Variants in DAB2IP observed in about 807,000 individuals in gnomAD.
DAB2IP encodes the protein DAB2 interacting protein.
In DAB2IP, 28 loss-of-function variants were observed where a neutral mutation model predicts 107.2. The observed-to-expected ratio is 0.26, with a 90% CI of 0.19 to 0.36. The LOEUF is 0.36. Ranked by LOEUF, DAB2IP falls within the 10% of genes least tolerant of loss-of-function variation. DAB2IP has a pLI of 1.00. For synonymous variants in DAB2IP, 755 were observed against 706.4 expected (o/e 1.07, Z -1.09); for missense variants, 1,400 against 1,644.7 (o/e 0.85, Z 2.57).
intron 3 of DAB2IP, among the ~76,000 whole-genome samples, chr9:121,714,722 A>G (rs1041463602): frequency 3.5e-4 from 54 of 152,320 alleles, no homozygotes; most frequent in African/African-American, 1.2e-3. Flanking sequence ...CTGAAGTGCA[A>G]TTGTCCTACA....
chr9:121,592,595 C>T (rs879251823), intron 1 of DAB2IP, among the ~76,000 whole-genome samples: 1 of 152,202 alleles, frequency 6.6e-6, no homozygotes, highest in Admixed American at 6.5e-5. Flanking sequence ...CCATATAGCC[C>T]TGTCAACTTT....
chr9:121,784,466 C>T (rs563239696), exon 16 of DAB2IP: 5 of 153,302 alleles, frequency 3.3e-5, no homozygotes, highest in East Asian at 3.9e-4. Context: ...GGAGGCTACC[C>T]GCTGTGGCCG....
At chr9:121,769,145 T>A (rs1834512026) in intron 10 of DAB2IP, among the ~76,000 whole-genome samples, 2 of 152,172 alleles carry the variant, frequency 1.3e-5, no homozygotes, top group African/African-American at 2.4e-5. Context: ...GCCCACACAG[T>A]GAGCAACTAG....
chr9:121,621,817 T>TTC (rs1831476988), intron 1 of DAB2IP, among the ~76,000 whole-genome samples: 1 of 149,418 alleles, frequency 6.7e-6, no homozygotes, highest in Admixed American at 6.7e-5. Context: ...TGGCTAATTT[T>TTC]TTTTTTTTCG....
At chr9:121,759,899 T>G in exon 6 of DAB2IP, 1 of 1,613,316 alleles carries the variant, frequency 6.2e-7, no homozygotes, top group South Asian at 1.1e-5. Flanking sequence ...ACAGCCGGCG[T>G]GTGGAGCACA....
At chr9:121,644,426 G>A (rs185005724) in intron 1 of DAB2IP, among the ~76,000 whole-genome samples, 40 of 151,698 alleles carry the variant, frequency 2.6e-4, no homozygotes, top group Admixed American at 2.0e-3. Context: ...GCGAAACCCC[G>A]TCTCTACTAA....
chr9:121,646,329 G>T (rs1393739544), intron 1 of DAB2IP, among the ~76,000 whole-genome samples: 2 of 152,106 alleles, frequency 1.3e-5, no homozygotes, highest in Non-Finnish European at 2.9e-5. Context: ...TCCCTGAATG[G>T]GGTGACCTGG....
chr9:121,624,312 G>A (rs966664170), intron 1 of DAB2IP, among the ~76,000 whole-genome samples: 6 of 152,236 alleles, frequency 3.9e-5, no homozygotes, highest in Admixed American at 6.5e-5. Context: ...ACAGAGGTTC[G>A]TGGCAAGGAG....
chr9:121,570,433 C>G lies in DAB2IP; in HGVS notation c.40+3205C>G, dbSNP rs193116725. Among the ~76,000 whole-genome samples the G allele has an allele frequency of 1.1e-4, 17 of 152,120 alleles. No individual in the cohort carries two copies. The East Asian group carries it at 3.1e-3, about 28-fold the overall frequency. ...GACACTAATCCTACTAGGGCCCCAT[C>G]CTTATGACCTCATTTAACCTTAATT... On this transcript the variant is annotated intron_variant, in intron 1 of 16. Transcript: ENST00000259371.
chr9:121,727,813 T>G (rs1199085013), intron 3 of DAB2IP, among the ~76,000 whole-genome samples: 1 of 152,166 alleles, frequency 6.6e-6, no homozygotes, highest in Non-Finnish European at 1.5e-5. Context: ...AGCAGGGAAA[T>G]GCTTTGAAGG....
chr9:121,652,047 C>G (rs1297941343), intron 1 of DAB2IP, 148 bp downstream of exon 1: 3 of 717,734 alleles, frequency 4.2e-6, no homozygotes, highest in Non-Finnish European at 3.9e-6. Flanking sequence ...CCGGACCCCC[C>G]ATTCCCCCAG....
intron 3 of DAB2IP, among the ~76,000 whole-genome samples, chr9:121,748,867 G>C (rs1832898629): frequency 6.6e-6 from 1 of 152,196 alleles, no homozygotes; most frequent in Admixed American, 6.5e-5. Flanking sequence ...CAGGCTCCCA[G>C]GGGTGAGGGC....
intron 3 of DAB2IP, among the ~76,000 whole-genome samples, chr9:121,745,157 C>CA (rs1291243130): frequency 6.6e-6 from 1 of 152,174 alleles, no homozygotes; most frequent in African/African-American, 2.4e-5. Context: ...CTGGAGGTGT[C>CA]AGAGCCTCAT....
rs535102113 is a variant in DAB2IP, at chr9:121,770,690, C to T, written c.2044C>T (p.Leu682=). ...TGGCAGCAGCAGCATCTCAGCTGGG[C>T]TGCAGAAGATGGTGATTGAGAACGA... The change falls in exon 11 of 16, where the codon CTG becomes TTG. Residue 682 remains leucine, a synonymous_variant. Transcript: ENST00000408936. 8.1e-6 allele frequency: 13 copies of T among 1,614,164 alleles called. No homozygotes were observed. The East Asian group carries it at 1.8e-4, about 22-fold the overall frequency.
intron 14 of DAB2IP, among the ~76,000 whole-genome samples, chr9:121,780,999 C>T (rs767038632): frequency 2.0e-5 from 3 of 152,194 alleles, no homozygotes; most frequent in Non-Finnish European, 4.4e-5. Flanking sequence ...GTGCCTCCTG[C>T]CTTGTGAACT....
chr9:121,714,814 G>A (rs964262292), intron 3 of DAB2IP, among the ~76,000 whole-genome samples: 4 of 152,214 alleles, frequency 2.6e-5, no homozygotes, highest in African/African-American at 4.8e-5. Context: ...TGGTGGGGGT[G>A]GTGGGGAGGG....
chr9:121,760,299 A>T lies in DAB2IP; in HGVS notation c.1030A>T (p.Met344Leu). ...AACCATCACCATCCTGCCCATGGAG[A>T]TGTACAAAGAGTTCGCTGAGCACAT... is the stretch of plus-strand genomic sequence containing the variant. The change falls in exon 6 of 16, where the codon ATG becomes TTG. Residue 344 changes from methionine (M) to leucine (L), a missense_variant. Physicochemically the swap from Met to Leu is conservative, Grantham distance 15. This residue lies in a region of DAB2IP where 517 missense variants were observed against 748.6 expected (regional missense o/e 0.69). Transcript: ENST00000408936. This position sits in a 1 kb window ranked among gnomAD's most constrained non-coding sequence, Gnocchi z 5.9. The T allele has an allele frequency of 6.2e-7, 1 of 1,613,812 alleles. No homozygotes were observed. Among genetic ancestry groups the T allele is most frequent in the Non-Finnish European group, 8.5e-7 (1 of 1,180,020 alleles).
intron 1 of DAB2IP, among the ~76,000 whole-genome samples, chr9:121,629,097 C>T (rs796286477): frequency 1.3e-5 from 2 of 152,132 alleles, no homozygotes; most frequent in African/African-American, 4.8e-5. Context: ...CTAGTAGAAC[C>T]CCCCAGACTC....
At chr9:121,577,944 C>G (rs1830102892) in intron 1 of DAB2IP, among the ~76,000 whole-genome samples, 1 of 152,084 alleles carries the variant, frequency 6.6e-6, no homozygotes, top group African/African-American at 2.4e-5. Context: ...CAGGATCCTC[C>G]TGCCTCCAGG....
Sources: allele counts gnomAD v4.1 joint callset (sites outside exome capture counted in the v4.1 genomes callset), GRCh38; gene constraint gnomAD v4.1.1; regional missense constraint gnomAD v4.1.1; non-coding constraint Gnocchi (gnomAD v3.1); transcripts MANE v1.5; gene names NCBI Gene and HGNC (gene_info 2026-07-23, HGNC 2026-07-21).